PAX5: variants seen among roughly 807,000 people sequenced by gnomAD.
PAX5 encodes the protein paired box 5, also known as paired box protein Pax-5.
In PAX5, 9 loss-of-function variants were observed where a neutral mutation model predicts 43.7. The observed-to-expected ratio is 0.21, with a 90% CI of 0.12 to 0.36. The LOEUF (loss-of-function observed/expected upper bound fraction) is 0.36, where lower values mean the gene tolerates loss of function less well. Ranked by LOEUF, PAX5 falls within the 10% of genes least tolerant of loss-of-function variation. PAX5 has a pLI of 1.00. For synonymous variants in PAX5, 228 were observed against 214.3 expected (o/e 1.06, Z -0.56); for missense variants, 383 against 532.7 (o/e 0.72, Z 2.77).
intron 5 of PAX5, among the ~76,000 whole-genome samples, chr9:36,974,809 C>T (rs376310750): frequency 2.8e-4 from 42 of 152,252 alleles, no homozygotes; most frequent in African/African-American, 8.4e-4. Flanking sequence ...CAAGGCTCCC[C>T]GGGGACAAAG....
chr9:36,924,932 G>A (rs150446327), intron 6 of PAX5, among the ~76,000 whole-genome samples: 17 of 152,068 alleles, frequency 1.1e-4, no homozygotes, highest in African/African-American at 3.9e-4. Flanking sequence ...CCTCCAGGAC[G>A]CTGGCATTGC....
chr9:36,875,912 T>TC (rs1262245209), intron 8 of PAX5, among the ~76,000 whole-genome samples: 1 of 152,190 alleles, frequency 6.6e-6, no homozygotes, highest in African/African-American at 2.4e-5. Context: ...GAGACCTACT[T>TC]CCAGAATCAG....
intron 5 of PAX5, among the ~76,000 whole-genome samples, chr9:36,975,182 A>T (rs1030975897): frequency 1.3e-5 from 2 of 152,170 alleles, no homozygotes; most frequent in African/African-American, 4.8e-5. Context: ...CAGTTAAGGA[A>T]GCTGGCACAG....
intron 6 of PAX5, among the ~76,000 whole-genome samples, chr9:36,954,524 A>C (rs779546138): frequency 1.3e-5 from 2 of 152,180 alleles, no homozygotes; most frequent in African/African-American, 2.4e-5. Flanking sequence ...AATTATTACT[A>C]TCTCTTAACA....
At chr9:36,934,496 G>T (rs186216511) in intron 6 of PAX5, among the ~76,000 whole-genome samples, 2 of 152,330 alleles carry the variant, frequency 1.3e-5, no homozygotes, top group African/African-American at 4.8e-5. Context: ...TCGGTAAAGG[G>T]TGTATAGGAG....
At chr9:36,944,868 A>G (rs548317283) in intron 6 of PAX5, among the ~76,000 whole-genome samples, 2 of 152,342 alleles carry the variant, frequency 1.3e-5, no homozygotes, top group Non-Finnish European at 2.9e-5. Flanking sequence ...AAGCATTTTT[A>G]TTTCTAACCG....
intron 7 of PAX5, among the ~76,000 whole-genome samples, chr9:36,913,084 C>G (rs1829437663): frequency 6.6e-6 from 1 of 152,220 alleles, no homozygotes; most frequent in South Asian, 2.1e-4. Context: ...CTTTGGCTGC[C>G]AAGTTTTGGG....
intron 7 of PAX5, among the ~76,000 whole-genome samples, chr9:36,912,341 TC>T (rs1829364584): frequency 6.6e-6 from 1 of 152,182 alleles, no homozygotes; most frequent in East Asian, 1.9e-4. Flanking sequence ...GTGAGAAAAC[TC>T]TAGTGCTGGC....
chr9:36,980,614 G>C (rs532262005), intron 5 of PAX5, among the ~76,000 whole-genome samples: 1 of 152,214 alleles, frequency 6.6e-6, no homozygotes, highest in African/African-American at 2.4e-5. Context: ...AGAAGGGTTG[G>C]GGGAGGAGGG....
At chr9:36,849,041 C>G (rs973112549) in intron 8 of PAX5, among the ~76,000 whole-genome samples, 1 of 152,232 alleles carries the variant, frequency 6.6e-6, no homozygotes, top group African/African-American at 2.4e-5. Flanking sequence ...AAGCCCCTCT[C>G]CCACCCCTCC....
intron 6 of PAX5, among the ~76,000 whole-genome samples, chr9:36,940,988 A>C (rs1256935913): frequency 6.6e-6 from 1 of 152,224 alleles, no homozygotes; most frequent in African/African-American, 2.4e-5. Flanking sequence ...GGGGTAATGA[A>C]GGCAGGAACA....
intron 7 of PAX5, among the ~76,000 whole-genome samples, chr9:36,911,903 C>G (rs1829327946): frequency 6.6e-6 from 1 of 152,242 alleles, no homozygotes; most frequent in Non-Finnish European, 1.5e-5. Flanking sequence ...TTGAGACGCC[C>G]CAGGTCTGGA....
chr9:36,850,562 A>C lies in PAX5; in HGVS notation c.1013-3633T>G, dbSNP rs571369664. 3.9e-5 allele frequency among the ~76,000 whole-genome samples: 6 copies of C among 152,330 alleles called. No homozygotes were observed. The East Asian group carries it at 1.2e-3, about 29-fold the overall frequency. On this transcript the variant is annotated intron_variant, in intron 8 of 9. Coordinates refer to ENST00000358127, the MANE Select transcript of PAX5 (RefSeq NM_016734.3). ...GACCGTGCCCAGCACAAGGGACACC[A>C]CGGGCCCTTCGCCTCCTTCTAACTG...
Position 36,834,748 on chromosome 9 carries a change from T to C in PAX5, c.*5812A>G, listed in dbSNP as rs1204174493. On this transcript the variant is annotated 3_prime_UTR_variant, in exon 10 of 10. Coordinates refer to ENST00000358127, the MANE Select transcript of PAX5 (RefSeq NM_016734.3). ...AAAATCCATCATCCAAAATCACTTG[T>C]TCTTAATGATGCTTTTGGAGAAGAT... 1 of 232,536 alleles carries C rather than the reference T, an allele frequency of 4.3e-6. No individual in the cohort carries two copies. Among genetic ancestry groups the C allele is most frequent in the African/African-American group, 2.2e-5 (1 of 45,180 alleles). 14.4% of individuals were successfully genotyped at this position (232,536 alleles called of 1,614,324 possible).
Position 37,002,656 on chromosome 9 carries a change from C to G in PAX5, c.596G>C (p.Arg199Thr). 6.2e-7 allele frequency: 1 copy of G among 1,612,258 alleles called. No individual in the cohort carries two copies. Among genetic ancestry groups the G allele is most frequent in the Non-Finnish European group, 8.5e-7 (1 of 1,179,424 alleles). ...SPSADTNKRK[R>T]DEGIQESPVP... ...GCGCGGGCCTCTCTTACCTTCGTCT[C>G]TCTTGCGCTTGTTGGTGTCGGCGCT... The change falls in exon 5 of 10, where the codon AGA (arginine) becomes ACA (threonine). Residue 199 changes from arginine to threonine, a missense_variant. Coordinates refer to ENST00000358127, the MANE Select transcript of PAX5 (RefSeq NM_016734.3).
intron 7 of PAX5, among the ~76,000 whole-genome samples, chr9:36,894,047 G>T (rs1827644026): frequency 6.6e-6 from 1 of 152,206 alleles, no homozygotes; most frequent in African/African-American, 2.4e-5. Flanking sequence ...CCTCCAGGAG[G>T]TTGGTTGCTG....
intron 8 of PAX5, 67 bp downstream of exon 8, chr9:36,881,937 G>A: frequency 1.7e-6 from 2 of 1,173,514 alleles, no homozygotes; most frequent in Non-Finnish European, 2.5e-6. Flanking sequence ...GCTGTTTGGG[G>A]GGGGATGTCC....
At chr9:36,860,063 G>A (rs1055708995) in intron 8 of PAX5, among the ~76,000 whole-genome samples, 2 of 151,204 alleles carry the variant, frequency 1.3e-5, no homozygotes, top group Non-Finnish European at 2.9e-5. Flanking sequence ...TGGGGGCCGG[G>A]CATAGTGGCT....
intron 6 of PAX5, among the ~76,000 whole-genome samples, chr9:36,930,711 C>A (rs574459775): frequency 7.9e-5 from 12 of 152,234 alleles, no homozygotes; most frequent in African/African-American, 2.9e-4. Context: ...AATTTTAATT[C>A]TAGTCCCTAG....
Sources: allele counts gnomAD v4.1 joint callset (sites outside exome capture counted in the v4.1 genomes callset), GRCh38; gene constraint gnomAD v4.1.1; transcripts MANE v1.5; gene names NCBI Gene and HGNC (gene_info 2026-07-23, HGNC 2026-07-21).